The following PIKFYVE variants were observed in gnomAD, a reference collection of about 807,000 sequenced individuals.
PIKFYVE encodes 1-phosphatidylinositol 3-phosphate 5-kinase.
In PIKFYVE, 122 loss-of-function variants were observed where a neutral mutation model predicts 257.9. The observed-to-expected ratio is 0.47, with a 90% CI of 0.41 to 0.55. The LOEUF is 0.55. Ranked by LOEUF, PIKFYVE falls within the 20% of genes least tolerant of loss-of-function variation. The probability of loss-of-function intolerance (pLI) is 0.00; values close to 1 mark genes in which losing one functional copy is unlikely to be tolerated. For synonymous variants in PIKFYVE, 892 were observed against 868.9 expected (o/e 1.03, Z -0.47); for missense variants, 2,160 against 2,536.6 (o/e 0.85, Z 3.19).
intron 14 of PIKFYVE, among the ~76,000 whole-genome samples, chr2:208,314,920 C>T (rs576982520): frequency 2.0e-5 from 3 of 152,038 alleles, no homozygotes; most frequent in African/African-American, 7.2e-5. Flanking sequence ...AAAACAAAAG[C>T]CCCAAACTGT....
intron 5 of PIKFYVE, among the ~76,000 whole-genome samples, chr2:208,280,583 T>C (rs1387032320): frequency 6.6e-6 from 1 of 152,202 alleles, no homozygotes; most frequent in Non-Finnish European, 1.5e-5. Context: ...TGGGGATGGC[T>C]GGTAGAAAGA....
chr2:208,287,224 T>C (rs1254618241), intron 6 of PIKFYVE, among the ~76,000 whole-genome samples: 1 of 151,884 alleles, frequency 6.6e-6, no homozygotes, highest in East Asian at 1.9e-4. Flanking sequence ...GGATTAGGAC[T>C]GGGTAGGGGA....
chr2:208,337,963 TC>T (rs1354592463), intron 28 of PIKFYVE, among the ~76,000 whole-genome samples: 2 of 152,180 alleles, frequency 1.3e-5, no homozygotes, highest in Non-Finnish European at 2.9e-5. Flanking sequence ...CCTCAGGTGA[TC>T]CATCCACCTT....
At chr2:208,273,871 C>A in intron 3 of PIKFYVE, 138 bp downstream of exon 3, 1 of 1,371,496 alleles carries the variant, frequency 7.3e-7, no homozygotes. Context: ...TAGTCAGGTA[C>A]TGTTTAGAGT....
intron 20 of PIKFYVE, 91 bp downstream of exon 20, chr2:208,326,520 T>C (rs758715132): frequency 5.7e-5 from 76 of 1,343,958 alleles, no homozygotes; most frequent in Non-Finnish European, 7.2e-5. Context: ...TTTGGCAGAC[T>C]GCATGCAGAT....
At chr2:208,294,891 G>A (rs1243192580) in intron 7 of PIKFYVE, among the ~76,000 whole-genome samples, 3 of 152,220 alleles carry the variant, frequency 2.0e-5, no homozygotes, top group Non-Finnish European at 2.9e-5. Context: ...GAAGCCAGAA[G>A]CCGGAGGGAA....
Position 208,304,929 on chromosome 2 carries a change from A to T in PIKFYVE, c.1552A>T (p.Asn518Tyr). 1 of 1,614,172 alleles carries T rather than the reference A, an allele frequency of 6.2e-7. No homozygotes were observed. The highest frequency in any genetic ancestry group is 1.1e-5 in the South Asian group (1 of 91,084). Residue 518 changes from asparagine to tyrosine, a missense_variant, in exon 12 of 42, where the codon AAC (asparagine) becomes TAC (tyrosine). Asn to Tyr is a moderately radical substitution (Grantham distance 143, BLOSUM62 -2). Transcript: ENST00000264380. ...TGACTCAGCCGCTTCTATCAGCCTG[A>T]ACGTGGAGCTGGACAACGTGAACTT... The part of the protein sequence containing the change: ...DSDSAASISL[N>Y]VELDNVNFHI...
chr2:208,301,873 T>C (rs576017772), intron 9 of PIKFYVE, among the ~76,000 whole-genome samples: 6 of 152,226 alleles, frequency 3.9e-5, no homozygotes, highest in Non-Finnish European at 5.9e-5. Context: ...TTTATGGCTG[T>C]ATCTGTAATA....
chr2:208,350,179 T>C (rs2125805387), intron 36 of PIKFYVE, 96 bp downstream of exon 36: 1 of 1,520,190 alleles, frequency 6.6e-7, no homozygotes, highest in South Asian at 1.3e-5. Flanking sequence ...TAAATAAATG[T>C]CCCAGTTCTT....
At chr2:208,328,753 A>G (rs545966983) in intron 21 of PIKFYVE, among the ~76,000 whole-genome samples, 2 of 152,324 alleles carry the variant, frequency 1.3e-5, no homozygotes, top group East Asian at 1.9e-4. Flanking sequence ...CAAAGTTTGT[A>G]TACATTGAAC....
Position 208,330,523 on chromosome 2 carries a change from G to A in PIKFYVE, c.3792G>A (p.Arg1264=), listed in dbSNP as rs774727332. ...LGIFLERYCF[R]PSYQCPSMFC... ...AGAAGGGCTCTTTTGTTTGTCAAAG[G>A]CCTTCTTATCAGTGTCCAAGCATGT... The change falls in exon 23 of 42, where the codon AGG becomes AGA. Residue 1264 remains arginine, a splice_region_variant and synonymous_variant. Coordinates refer to ENST00000264380, the MANE Select transcript of PIKFYVE (RefSeq NM_015040.4). The A allele has an allele frequency of 6.4e-5, 104 of 1,613,892 alleles. No individual in the cohort carries two copies. The highest frequency in any genetic ancestry group is 8.4e-5 in the Non-Finnish European group (99 of 1,179,974).
chr2:208,287,354 A>G (rs1349557698), intron 6 of PIKFYVE, among the ~76,000 whole-genome samples: 1 of 151,060 alleles, frequency 6.6e-6, no homozygotes, highest in Non-Finnish European at 1.5e-5. Context: ...GCTCACTGCA[A>G]CCTTCTTTTC....
rs761966109 is a variant in PIKFYVE at position 208,285,780 on chromosome 2, C to A, written c.668C>A (p.Ser223Tyr). Reference sequence around the variant, plus strand: ...AAAATAGCCTTAAGTTATGCTCATTCCACAGACAGTAATTCTATTGGGGAA... The same window carrying A: ...AAAATAGCCTTAAGTTATGCTCATTACACAGACAGTAATTCTATTGGGGAA... ...CRKIALSYAH[S>Y]TDSNSIGEDL... is the part of the protein sequence containing the mutation. The change falls in exon 6 of 42, where the codon TCC becomes TAC. Residue 223 changes from serine (S) to tyrosine (Y), a missense_variant. By Grantham distance (144) the Ser-to-Tyr change is moderately radical. Around this residue, in one of 12 missense-constraint regions of PIKFYVE, gnomAD observed 187 missense variants for 185.6 expected, o/e 1.01. Coordinates refer to ENST00000264380, the MANE Select transcript of PIKFYVE (RefSeq NM_015040.4). 6.2e-7 allele frequency: 1 copy of A among 1,614,006 alleles called. No homozygotes were observed. The highest frequency in any genetic ancestry group is 8.5e-7 in the Non-Finnish European group (1 of 1,179,946).
intron 3 of PIKFYVE, chr2:208,273,972 C>T: frequency 6.3e-7 from 1 of 1,586,156 alleles, no homozygotes; most frequent in Non-Finnish European, 8.6e-7. Flanking sequence ...AGGCAAGGCA[C>T]AGATTTCTTG....
chr2:208,333,564 C>T (rs1323511486), intron 24 of PIKFYVE, 71 bp downstream of exon 24: 15 of 1,482,398 alleles, frequency 1.0e-5, no homozygotes, highest in Non-Finnish European at 1.3e-5. Context: ...TTAACATTTT[C>T]ACCATTACTA....
In PIKFYVE at chr2:208,355,554, A is replaced by G. The variant is rs527534387; in HGVS notation, c.*249A>G. 4.7e-6 allele frequency: 2 copies of G among 425,182 alleles called. No individual in the cohort carries two copies. Among genetic ancestry groups the G allele is most frequent in the East Asian group, 9.1e-5 (2 of 21,938 alleles). The allele number at this position is 425,182 out of a possible 1,614,324, so 26.3% of individuals were successfully genotyped here. A position where few individuals can be genotyped will look rare whatever the true frequency, so the allele number is the denominator to read the frequency against. On this transcript the variant is annotated 3_prime_UTR_variant, in exon 42 of 42. Transcript: ENST00000264380. ...TGAAAATTTTCTTAAGCTAAAATAC[A>G]GACATGTTTCAAAGGGCTAAAGTTG...
intron 12 of PIKFYVE, chr2:208,305,577 T>C (rs534547561): frequency 1.5e-6 from 1 of 676,148 alleles, no homozygotes; most frequent in African/African-American, 2.0e-5. Flanking sequence ...GCTATCTTAT[T>C]TGATGCTTTA....
chr2:208,286,687 ATT>A (rs779100232), intron 6 of PIKFYVE, among the ~76,000 whole-genome samples: 7 of 140,282 alleles, frequency 5.0e-5, no homozygotes, highest in South Asian at 2.3e-4. Context: ...TGCTTGGCTG[ATT>A]TTTTTTTTTT....
chr2:208,317,803 A>C (rs1695720514), intron 15 of PIKFYVE, 64 bp from the exon 16 acceptor site: 2 of 1,387,372 alleles, frequency 1.4e-6, no homozygotes, highest in African/African-American at 2.8e-5. Context: ...ATAATAGCGT[A>C]CATCTAACTA....
Sources: gnomAD v4.1 joint callset for allele counts (sites outside exome capture counted in the v4.1 genomes callset) on GRCh38, gnomAD v4.1.1 for gene constraint, gnomAD v4.1.1 regional missense constraint, MANE v1.5 for transcripts, NCBI Gene and HGNC (gene_info 2026-07-23, HGNC 2026-07-21) for gene names.